DLG2: variants seen among roughly 807,000 people sequenced by gnomAD.
DLG2 encodes the protein discs large MAGUK scaffold protein 2, also known as disks large homolog 2.
A neutral mutation model predicts 132.5 loss-of-function variants in DLG2; 45 were observed. The observed-to-expected ratio is 0.34, with a 90% CI of 0.27 to 0.44. The LOEUF is 0.44. Ranked by LOEUF, DLG2 falls within the 20% of genes least tolerant of loss-of-function variation. The pLI is 1.00. For missense variants in DLG2, 1,045 were observed against 1,196.9 expected, an observed-to-expected ratio of 0.87 and a Z score of 1.87; for synonymous variants, 424 against 419.6, an observed-to-expected ratio of 1.01 and a Z score of -0.13.
chr11:85,399,812 T>A (rs1350774447), intron 3 of DLG2, among the ~76,000 whole-genome samples: 1 of 152,126 alleles, frequency 6.6e-6, no homozygotes, highest in Non-Finnish European at 1.5e-5. Context: ...ATGTTAGACC[T>A]AAAACCATAA....
rs750609694 is a variant in DLG2, at chr11:83,930,322, C to T, written c.1496+6G>A. 1.2e-6 allele frequency: 2 copies of T among 1,613,230 alleles called. No homozygotes were observed. The highest frequency in any genetic ancestry group is 1.7e-6 in the Non-Finnish European group (2 of 1,179,618). ...AGAAGATGAAGTGAGGAAGCGCATG[C>T]AGTACCTGGTCATCTCAGAGTCAGG... On this transcript the variant is annotated splice_donor_region_variant and intron_variant, in intron 15 of 27. Transcript: ENST00000376104.
rs2728460 is a variant in DLG2, at chr11:85,611,495, G to A, written c.-92-12707C>T. On this transcript the variant is annotated intron_variant, in intron 2 of 27. Coordinates refer to ENST00000376104, the MANE Select transcript of DLG2 (RefSeq NM_001142699.3). ...TTATGCCGCCCGAGATGATCTCTTA[G>A]AAGTCCACTTAGACTGATGGAAGTT... Among the ~76,000 whole-genome samples, 14 of 152,200 alleles carry A rather than the reference G, an allele frequency of 9.2e-5. No homozygotes were observed. The East Asian group carries it at 2.5e-3, about 27-fold the overall frequency.
chr11:84,771,401 G>C (rs1409843711), intron 6 of DLG2, among the ~76,000 whole-genome samples: 1 of 151,944 alleles, frequency 6.6e-6, no homozygotes, highest in Non-Finnish European at 1.5e-5. Context: ...TATGCTTTTT[G>C]GCCACACGTC....
chr11:83,922,952 T>C (rs774306451), intron 15 of DLG2, among the ~76,000 whole-genome samples: 16 of 152,102 alleles, frequency 1.1e-4, no homozygotes, highest in Non-Finnish European at 1.9e-4. Flanking sequence ...TATGAGTAGA[T>C]AGAAAAGTAT....
chr11:84,310,663 C>G (rs1197903790), intron 7 of DLG2, among the ~76,000 whole-genome samples: 1 of 152,136 alleles, frequency 6.6e-6, no homozygotes, highest in African/African-American at 2.4e-5. Context: ...TTTCCCTTAC[C>G]TGGGGGACAG....
rs143821494 is a variant in DLG2, at chr11:84,552,376, T to G, written c.358-17645A>C. 3.3e-3 allele frequency among the ~76,000 whole-genome samples: 499 copies of G among 152,272 alleles called. 2 individuals carry two copies. Among genetic ancestry groups the G allele is most frequent in the South Asian group, 0.012 (56 of 4,820 alleles). Reference sequence around the variant, plus strand: ...AATCTAGAATTTCACCAATCTGAATTATTTGCAACTCAGAGTAAGAGGAAT... The same window carrying G: ...AATCTAGAATTTCACCAATCTGAATGATTTGCAACTCAGAGTAAGAGGAAT... On this transcript the variant is annotated intron_variant, in intron 6 of 27. Coordinates refer to ENST00000376104, the MANE Select transcript of DLG2 (RefSeq NM_001142699.3).
intron 6 of DLG2, among the ~76,000 whole-genome samples, chr11:84,938,895 T>C (rs928413455): frequency 2.0e-5 from 3 of 152,156 alleles, no homozygotes. Flanking sequence ...ATATAACCCT[T>C]TGTGTGCACA....
In DLG2 at chr11:84,635,607, G is replaced by A. The variant is rs546018138; in HGVS notation, c.358-100876C>T. ...AGCTATGCATTTCTCTCATTATTTT[G>A]TTTAGGACCTTAACTATGAAGATAG... is the stretch of plus-strand genomic sequence containing the variant. On this transcript the variant is annotated intron_variant, in intron 6 of 27. Transcript: ENST00000376104. 1.2e-3 allele frequency among the ~76,000 whole-genome samples: 175 copies of A among 151,232 alleles called. 2 individuals carry two copies. Among genetic ancestry groups the A allele is most frequent in the African/African-American group, 4.1e-3 (170 of 41,198 alleles).
chr11:85,271,486 C>T (rs2077526053), intron 4 of DLG2, among the ~76,000 whole-genome samples: 1 of 152,184 alleles, frequency 6.6e-6, no homozygotes, highest in South Asian at 2.1e-4. Context: ...TGCCACTGTC[C>T]TCCAGACCCC....
intron 3 of DLG2, among the ~76,000 whole-genome samples, chr11:85,420,507 C>G (rs1308427462): frequency 6.6e-6 from 1 of 152,118 alleles, no homozygotes; most frequent in Non-Finnish European, 1.5e-5. Context: ...CAAGAATGTT[C>G]AAGTCTGCTG....
intron 16 of DLG2, among the ~76,000 whole-genome samples, chr11:83,874,136 G>C (rs1320236185): frequency 6.9e-6 from 1 of 145,734 alleles, no homozygotes; most frequent in Non-Finnish European, 1.5e-5. Flanking sequence ...AAGAAGAGTG[G>C]GGAGGTAGGG....
chr11:84,592,898 C>T (rs751129923), intron 6 of DLG2, among the ~76,000 whole-genome samples: 4 of 121,098 alleles, frequency 3.3e-5, no homozygotes, highest in Non-Finnish European at 6.3e-5. Flanking sequence ...GAGAGCAAGA[C>T]CATTCTGGCT....
chr11:84,248,824 G>C (rs1293964848), intron 8 of DLG2, among the ~76,000 whole-genome samples: 1 of 152,168 alleles, frequency 6.6e-6, no homozygotes, highest in African/African-American at 2.4e-5. Flanking sequence ...CCAAGATCAG[G>C]CTCCAGCCAT....
intron 8 of DLG2, among the ~76,000 whole-genome samples, chr11:84,206,974 A>C (rs1357016198): frequency 6.6e-6 from 1 of 151,972 alleles, no homozygotes; most frequent in Admixed American, 6.6e-5. Context: ...ATGTATGTAT[A>C]TTACCAACCA....
chr11:84,313,641 A>AAAAG (rs201928030), intron 7 of DLG2, among the ~76,000 whole-genome samples: 13,629 of 129,150 alleles, frequency 0.11, 850 homozygotes, highest in East Asian at 0.18. Context: ...GAAAGAGAGA[A>AAAAG]AAAGAAAGAA....
chr11:83,917,173 T>C (rs2077050086), intron 15 of DLG2, among the ~76,000 whole-genome samples: 1 of 152,156 alleles, frequency 6.6e-6, no homozygotes, highest in South Asian at 2.1e-4. Context: ...CCACTGACAT[T>C]TGCTTAGCAT....
At chr11:83,725,222 G>A (rs1242146636) in intron 18 of DLG2, 1 of 269,936 alleles carries the variant, frequency 3.7e-6, no homozygotes, top group Non-Finnish European at 7.0e-6. Context: ...AAAAGTCGAA[G>A]AGGTGAAAAC....
At chr11:83,819,644 T>C (rs940145192) in intron 17 of DLG2, among the ~76,000 whole-genome samples, 5 of 152,082 alleles carry the variant, frequency 3.3e-5, no homozygotes, top group Non-Finnish European at 5.9e-5. Context: ...CTGAGAGATA[T>C]AGGCAATAAA....
intron 3 of DLG2, among the ~76,000 whole-genome samples, chr11:85,396,314 T>C (rs562649267): frequency 5.9e-5 from 9 of 151,642 alleles, no homozygotes; most frequent in African/African-American, 1.7e-4. Flanking sequence ...ACCACAAACA[T>C]GGGGAGAAAC....
Sources: allele counts gnomAD v4.1 joint callset (sites outside exome capture counted in the v4.1 genomes callset), GRCh38; gene constraint gnomAD v4.1.1; transcripts MANE v1.5; gene names NCBI Gene and HGNC (gene_info 2026-07-23, HGNC 2026-07-21).